Variants in NAMPT observed in about 807,000 individuals in gnomAD.
NAMPT encodes NAmPRTase.
NAMPT carries 7 observed loss-of-function variants against 58.7 expected under a neutral mutation model. That is an observed-to-expected ratio of 0.12 (90% CI 0.07 to 0.22). NAMPT has a LOEUF of 0.22. Ranked by LOEUF, NAMPT falls within the 10% of genes least tolerant of loss-of-function variation. NAMPT has a pLI of 1.00. For missense variants in NAMPT, 271 were observed against 567.9 expected (o/e 0.48, Z 5.31); for synonymous variants, 145 against 198.1 (o/e 0.73, Z 2.25).
Position 106,248,730 on chromosome 7 carries a change from T to A in NAMPT, c.*2353A>T, listed in dbSNP as rs1458357412. 2.0e-5 allele frequency: 3 copies of A among 152,092 alleles called. No individual in the cohort carries two copies. Among genetic ancestry groups the A allele is most frequent in the Non-Finnish European group, 4.4e-5 (3 of 67,974 alleles). The allele number at this position is 152,092 out of a possible 1,614,324, so 9.4% of individuals were successfully genotyped here. A position where few individuals can be genotyped will look rare whatever the true frequency, so the allele number is the denominator to read the frequency against. ...AAATCTAATGACTTAAATCCATAAA[T>A]GCCATTTGCTTTTGTCTGGAAGATT... On this transcript the variant is annotated 3_prime_UTR_variant, in exon 11 of 11. Transcript: ENST00000222553.
At chr7:106,251,775 A>C (rs961799313) in intron 10 of NAMPT, among the ~76,000 whole-genome samples, 1 of 152,130 alleles carries the variant, frequency 6.6e-6, no homozygotes, top group East Asian at 1.9e-4. Flanking sequence ...TTTATACTCC[A>C]AAAGTCAATG....
chr7:106,269,962 A>G (rs4730154), intron 4 of NAMPT, among the ~76,000 whole-genome samples: 42,348 of 152,150 alleles, frequency 0.28, 6,943 homozygotes, highest in South Asian at 0.46. Flanking sequence ...GCTTTTATCA[A>G]ATATATAAGT....
rs1455613565 is a variant in NAMPT, at chr7:106,250,793, A to G, written c.*290T>C. 9.5e-6 allele frequency: 3 copies of G among 315,678 alleles called. No individual in the cohort carries two copies. The highest frequency in any genetic ancestry group is 1.7e-5 in the Non-Finnish European group (3 of 172,714). The allele number at this position is 315,678 out of a possible 1,614,324, so 19.6% of individuals were successfully genotyped here. On this transcript the variant is annotated 3_prime_UTR_variant, in exon 11 of 11. Coordinates refer to ENST00000222553, the MANE Select transcript of NAMPT (RefSeq NM_005746.3). ...TGTTTTATGTGATCATCAGTTATAT[A>G]TAAAAGTTTCTCAGTTCTGTTATTT...
At chr7:106,275,167 T>TA (rs1223581295) in intron 2 of NAMPT, 118 bp from the exon 3 acceptor site, 1 of 581,114 alleles carries the variant, frequency 1.7e-6, no homozygotes, top group Non-Finnish European at 3.0e-6. Context: ...AAAATATAAC[T>TA]AAGAGGTTAA....
intron 10 of NAMPT, among the ~76,000 whole-genome samples, chr7:106,252,015 T>C (rs938101361): frequency 1.3e-5 from 2 of 152,148 alleles, no homozygotes; most frequent in African/African-American, 4.8e-5. Flanking sequence ...ACCACAGTGC[T>C]TTAGCTGTAG....
At chr7:106,271,403 T>C (rs1281238639) in intron 4 of NAMPT, among the ~76,000 whole-genome samples, 1 of 152,166 alleles carries the variant, frequency 6.6e-6, no homozygotes, top group Non-Finnish European at 1.5e-5. Flanking sequence ...TTAATGATAT[T>C]AGTGGTTAGT....
intron 8 of NAMPT, among the ~76,000 whole-genome samples, chr7:106,257,194 T>G (rs1792216623): frequency 6.6e-6 from 1 of 152,016 alleles, no homozygotes; most frequent in African/African-American, 2.4e-5. Flanking sequence ...TACATCTGCA[T>G]TAACACAAAA....
intron 6 of NAMPT, among the ~76,000 whole-genome samples, chr7:106,264,098 C>G (rs74382409): frequency 0.023 from 3,526 of 152,080 alleles, 74 homozygotes; most frequent in Non-Finnish European, 0.037. Flanking sequence ...TGTTTTTTTA[C>G]CTTTCAAAAT....
chr7:106,271,252 C>T (rs1052970904), intron 4 of NAMPT, among the ~76,000 whole-genome samples: 1 of 152,110 alleles, frequency 6.6e-6, no homozygotes, highest in Non-Finnish European at 1.5e-5. Context: ...CTGCAGTCCC[C>T]ATAGGACTAT....
intron 1 of NAMPT, chr7:106,284,255 G>A (rs1183027319): frequency 6.6e-6 from 1 of 152,162 alleles, no homozygotes; most frequent in Admixed American, 6.5e-5. Flanking sequence ...ACCGGGGCCA[G>A]GCGAGTGTCC....
intron 4 of NAMPT, among the ~76,000 whole-genome samples, chr7:106,271,610 A>G (rs867001929): frequency 3.3e-5 from 5 of 152,006 alleles, no homozygotes; most frequent in African/African-American, 1.2e-4. Context: ...TTTTGAGTGT[A>G]TTATTAGTTA....
intron 4 of NAMPT, 99 bp downstream of exon 4, chr7:106,272,431 A>G: frequency 9.3e-7 from 1 of 1,074,674 alleles, no homozygotes; most frequent in African/African-American, 1.6e-5. Context: ...AAATTATAGG[A>G]GATTATATAG....
rs745835529 is a variant in NAMPT, at chr7:106,284,918, G to C, written c.-34C>G. 1.9e-6 allele frequency: 3 copies of C among 1,568,440 alleles called. No homozygotes were observed. Among genetic ancestry groups the C allele is most frequent in the Admixed American group, 3.7e-5 (2 of 53,912 alleles). ...GGAGGACAGGGGCCGCGCGCCGCGA[G>C]CTCCCTGGCGCGGCTGCGAGGAAGG... is the stretch of plus-strand genomic sequence containing the variant. On this transcript the variant is annotated 5_prime_UTR_variant, in exon 1 of 11. Coordinates refer to ENST00000222553, the MANE Select transcript of NAMPT (RefSeq NM_005746.3).
chr7:106,272,458 T>C, intron 4 of NAMPT, 72 bp downstream of exon 4: 1 of 1,385,922 alleles, frequency 7.2e-7, no homozygotes, highest in South Asian at 1.4e-5. Flanking sequence ...TAGTAACAAA[T>C]TCTAAACTGT....
chr7:106,263,737 T>TG, intron 6 of NAMPT, 120 bp from the exon 7 acceptor site: 1 of 774,428 alleles, frequency 1.3e-6, no homozygotes, highest in South Asian at 1.7e-5. Context: ...AGAAGGTGAG[T>TG]GACTTAGTTT....
chr7:106,280,136 A>T (rs1245476496), intron 1 of NAMPT, among the ~76,000 whole-genome samples: 3 of 152,180 alleles, frequency 2.0e-5, no homozygotes, highest in Non-Finnish European at 2.9e-5. Context: ...CTAGTGGTGG[A>T]TAAGAATGGA....
upstream of NAMPT, chr7:106,285,059 G>T: frequency 1.5e-6 from 2 of 1,357,136 alleles, no homozygotes; most frequent in East Asian, 5.7e-5. Context: ...CCCGGGAGCC[G>T]TGACGCGGCG....
At chr7:106,267,369 C>T (rs915852869) in intron 6 of NAMPT, among the ~76,000 whole-genome samples, 5 of 152,150 alleles carry the variant, frequency 3.3e-5, no homozygotes, top group African/African-American at 4.8e-5. Context: ...TGCATATGAA[C>T]ACCAGTCAAC....
Position 106,272,670 on chromosome 7 carries a change from A to AAAT in NAMPT, c.319-15_319-13dup, listed in dbSNP as rs757234569. 1.2e-6 allele frequency: 2 copies of AAAT among 1,612,160 alleles called. No individual in the cohort carries two copies. Among genetic ancestry groups the AAAT allele is most frequent in the East Asian group, 4.5e-5 (2 of 44,744 alleles). ...TGCCCATCATACTTCTGGCAGGATA[A>AAAT]AATGATAAATTTATTTATTCAACAG... On this transcript the variant is annotated splice_polypyrimidine_tract_variant and intron_variant, in intron 3 of 10. Coordinates refer to ENST00000222553, the MANE Select transcript of NAMPT (RefSeq NM_005746.3).
Sources: gnomAD v4.1 joint callset for allele counts (sites outside exome capture counted in the v4.1 genomes callset) on GRCh38, gnomAD v4.1.1 for gene constraint, MANE v1.5 for transcripts, NCBI Gene and HGNC (gene_info 2026-07-23, HGNC 2026-07-21) for gene names.